The following FLNB variants were observed in gnomAD, a reference collection of about 807,000 sequenced individuals.
FLNB encodes the protein filamin-B.
In FLNB, 111 loss-of-function variants were observed where a neutral mutation model predicts 250.6. The observed-to-expected ratio is 0.44, with a 90% CI of 0.38 to 0.52. The LOEUF (loss-of-function observed/expected upper bound fraction) is 0.52. Ranked by LOEUF, FLNB falls within the 20% of genes least tolerant of loss-of-function variation. FLNB has a pLI of 0.00. For missense variants in FLNB, 2,869 were observed against 3,447.8 expected (o/e 0.83, Z 4.20); for synonymous variants, 1,302 against 1,372.1 (o/e 0.95, Z 1.13).
chr3:58,120,170 G>A (rs1242151057), intron 19 of FLNB, among the ~76,000 whole-genome samples: 1 of 152,238 alleles, frequency 6.6e-6, no homozygotes, highest in African/African-American at 2.4e-5. Context: ...AGCAAGGCCA[G>A]CTCCCAGTTG....
intron 11 of FLNB, among the ~76,000 whole-genome samples, chr3:58,105,871 A>C (rs2097258709): frequency 6.6e-6 from 1 of 152,260 alleles, no homozygotes; most frequent in African/African-American, 2.4e-5. Context: ...AGCAATAAGC[A>C]AAAGAGAAAA....
intron 25 of FLNB, 96 bp from the exon 26 acceptor site, chr3:58,132,712 C>G (rs1044090087): frequency 1.5e-5 from 23 of 1,511,358 alleles, no homozygotes; most frequent in Non-Finnish European, 2.1e-5. Flanking sequence ...AAACCAATAG[C>G]TCTTGGGGAT....
chr3:58,121,288 G>A lies in FLNB; in HGVS notation c.2911G>A (p.Ala971Thr). Residue 971 changes from alanine (A) to threonine (T), a missense_variant, in exon 20 of 46, where the codon GCA becomes ACA. By Grantham distance (58) the Ala-to-Thr change is moderately conservative. Coordinates refer to ENST00000295956, the MANE Select transcript of FLNB (RefSeq NM_001457.4). ...GGAGTTCACCGTTGATACCAGGGGG[G>A]CAGGAGGCCAGGGGAAGCTGGACGT... ...DQEFTVDTRG[A>T]GGQGKLDVTI... The A allele has an allele frequency of 1.9e-6, 3 of 1,614,184 alleles. No individual in the cohort carries two copies. The highest frequency in any genetic ancestry group is 1.7e-6 in the Non-Finnish European group (2 of 1,180,030).
intron 4 of FLNB, among the ~76,000 whole-genome samples, chr3:58,092,430 G>C (rs2097229544): frequency 6.6e-6 from 1 of 152,126 alleles, no homozygotes; most frequent in African/African-American, 2.4e-5. Flanking sequence ...GATCACTTGA[G>C]CCCAGGAGTT....
intron 1 of FLNB, among the ~76,000 whole-genome samples, chr3:58,024,729 A>ACCTTTTTTTTTTT (rs1559642376): frequency 1.2e-5 from 1 of 86,720 alleles, no homozygotes; most frequent in Non-Finnish European, 1.9e-5. Context: ...TTTTTTTTTT[A>ACCTTTTTTTTTTT]ACCTTGAGAC....
At chr3:58,111,587 T>TAGAG (rs933947994) in intron 16 of FLNB, among the ~76,000 whole-genome samples, 2 of 152,188 alleles carry the variant, frequency 1.3e-5, no homozygotes, top group Non-Finnish European at 2.9e-5. Flanking sequence ...ATCCAGGCAT[T>TAGAG]AGAGAGTGAC....
rs1575438042 is a variant in FLNB, at chr3:58,130,919, A to G, written c.4390+11A>G. The G allele has an allele frequency of 6.2e-7, 1 of 1,606,950 alleles. No homozygotes were observed. Among genetic ancestry groups the G allele is most frequent in the African/African-American group, 1.3e-5 (1 of 74,778 alleles). ...TTCTGGGCCCACGAGGTAAGTGTGC[A>G]CCCTGCCTTCCTGCAGACATTCATC... On this transcript the variant is annotated intron_variant, in intron 25 of 45. Transcript: ENST00000295956.
At chr3:58,125,111 A>G (rs974650536) in intron 22 of FLNB, among the ~76,000 whole-genome samples, 1 of 152,090 alleles carries the variant, frequency 6.6e-6, no homozygotes, top group African/African-American at 2.4e-5. Flanking sequence ...TAAAAGTCAG[A>G]TCATACCTAC....
rs1349940277 is a variant in FLNB, at chr3:58,069,219, CA to C, written c.293-7826del. Among the ~76,000 whole-genome samples, 4 of 142,442 alleles carry C rather than the reference CA, an allele frequency of 2.8e-5. No individual in the cohort carries two copies. The East Asian group carries it at 8.1e-4, about 29-fold the overall frequency. The allele number at this position is 142,442 out of a possible 152,430, so 93.4% of individuals were successfully genotyped here. A position where few individuals can be genotyped will look rare whatever the true frequency, so the allele number is the denominator to read the frequency against. On this transcript the variant is annotated intron_variant, in intron 1 of 45. Coordinates refer to ENST00000295956, the MANE Select transcript of FLNB (RefSeq NM_001457.4). ...CTTTCAGGGAGGTCTGATAAAATAT[CA>C]GTAGTTCAATTCTTTTTTTTTTTTT...
Position 58,126,690 on chromosome 3 carries a change from A to G in FLNB, c.4150A>G (p.Ser1384Gly). Residue 1384 changes from serine (S) to glycine (G), a missense_variant, in exon 24 of 46, where the codon AGT becomes GGT. Around this residue, in one of 5 missense-constraint regions of FLNB, gnomAD observed 1,348 missense variants for 1,466.7 expected, o/e 0.92. Transcript: ENST00000295956. The stretch of plus-strand genomic sequence containing the variant: ...CAGAGACAACAAGGATGGCAGCTGC[A>G]GTGCTGAGTACATTCCTTTCGCACC... ...NCRDNKDGSCSAEYIPFAPGD... is the reference protein window; with the variant it reads ...NCRDNKDGSCGAEYIPFAPGD... 1 of 1,614,010 alleles carries G rather than the reference A, an allele frequency of 6.2e-7. No homozygotes were observed.
chr3:58,025,696 C>T (rs1658350), intron 1 of FLNB, among the ~76,000 whole-genome samples: 21,427 of 152,154 alleles, frequency 0.14, 2,926 homozygotes, highest in East Asian at 0.44. Context: ...GGGGCTGAGG[C>T]GTGCAGATCA....
intron 1 of FLNB, among the ~76,000 whole-genome samples, chr3:58,044,028 G>A (rs2097149944): frequency 6.6e-6 from 1 of 152,148 alleles, no homozygotes; most frequent in Non-Finnish European, 1.5e-5. Flanking sequence ...TGCAGGCAAC[G>A]GGGCTGCCCT....
chr3:58,050,949 G>A lies in FLNB; in HGVS notation c.293-26097G>A, dbSNP rs535176545. 3.4e-4 allele frequency among the ~76,000 whole-genome samples: 52 copies of A among 152,346 alleles called. 1 individual carries two copies. The South Asian group carries it at 9.1e-3, about 27-fold the overall frequency. ...TTGGGATGCTCAGGTAACTCACTCCGTGGGTAGCTGATATTGCCTGGGCAA... is the reference window on the plus strand; with the variant it reads ...TTGGGATGCTCAGGTAACTCACTCCATGGGTAGCTGATATTGCCTGGGCAA... On this transcript the variant is annotated intron_variant, in intron 1 of 45. Coordinates refer to ENST00000295956, the MANE Select transcript of FLNB (RefSeq NM_001457.4).
At chr3:58,122,856 G>C (rs879331818) in intron 20 of FLNB, among the ~76,000 whole-genome samples, 1 of 152,158 alleles carries the variant, frequency 6.6e-6, no homozygotes, top group Non-Finnish European at 1.5e-5. Flanking sequence ...TGGAGGGGCT[G>C]CTCCATGGGG....
At chr3:58,089,660 T>C (rs1030295827) in intron 4 of FLNB, among the ~76,000 whole-genome samples, 2 of 151,954 alleles carry the variant, frequency 1.3e-5, no homozygotes, top group Non-Finnish European at 2.9e-5. Context: ...AATAAAAATT[T>C]AGGAGATAAA....
At chr3:58,116,711 T>C (rs1212387508) in intron 18 of FLNB, among the ~76,000 whole-genome samples, 1 of 152,126 alleles carries the variant, frequency 6.6e-6, no homozygotes, top group African/African-American at 2.4e-5. Context: ...AGGGAAGTGA[T>C]TTCCCTGAGG....
intron 1 of FLNB, among the ~76,000 whole-genome samples, chr3:58,052,029 G>A (rs1439899860): frequency 6.6e-6 from 1 of 152,090 alleles, no homozygotes; most frequent in Admixed American, 6.5e-5. Flanking sequence ...TGGGACTCCA[G>A]GCACGCGCCG....
chr3:58,107,327 C>A (rs1210696757), intron 12 of FLNB, among the ~76,000 whole-genome samples: 1 of 152,320 alleles, frequency 6.6e-6, no homozygotes, highest in Non-Finnish European at 1.5e-5. Flanking sequence ...CCTCCACACC[C>A]AGCCCAGGCC....
chr3:58,167,853 G>C (rs1201504841), intron 43 of FLNB, among the ~76,000 whole-genome samples: 1 of 152,242 alleles, frequency 6.6e-6, no homozygotes, highest in Non-Finnish European at 1.5e-5. Flanking sequence ...AGTGGGGTAC[G>C]CATGCCCCGT....
Sources: gnomAD v4.1 joint callset for allele counts (sites outside exome capture counted in the v4.1 genomes callset) on GRCh38, gnomAD v4.1.1 for gene constraint, gnomAD v4.1.1 regional missense constraint, MANE v1.5 for transcripts, NCBI Gene and HGNC (gene_info 2026-07-23, HGNC 2026-07-21) for gene names.